IRAK1BP1: variants seen among roughly 807,000 people sequenced by gnomAD.
IRAK1BP1 encodes interleukin-1 receptor-associated kinase 1-binding protein 1.
Under a neutral mutation model 28.0 loss-of-function variants are expected in IRAK1BP1, and 24 were observed. The ratio of observed to expected loss-of-function variants is 0.86; its 90% CI spans 0.62 to 1.20. The LOEUF (loss-of-function observed/expected upper bound fraction) is 1.20. Ranked by LOEUF, IRAK1BP1 falls within the 50% of genes most tolerant of loss-of-function variation. The probability of loss-of-function intolerance (pLI) is 0.00; values close to 1 mark genes in which losing one functional copy is unlikely to be tolerated. For missense variants in IRAK1BP1, 336 were observed against 316.7 expected, an observed-to-expected ratio of 1.06 and a Z score of -0.46; for synonymous variants, 131 against 116.3, an observed-to-expected ratio of 1.13 and a Z score of -0.81.
the IRAK1BP1 span, among the ~76,000 whole-genome samples, chr6:78,976,540 T>C: frequency 8.7e-6 from 1 of 114,436 alleles, no homozygotes; most frequent in Admixed American, 9.3e-5. Context: ...CTAATTAAAC[T>C]AAAGAGCTTC....
At chr6:78,930,469 ATATT>A (rs1449371374) in intron 4 of IRAK1BP1, among the ~76,000 whole-genome samples, 1 of 152,170 alleles carries the variant, frequency 6.6e-6, no homozygotes, top group African/African-American at 2.4e-5. Context: ...TTTGCTATAT[ATATT>A]AATGAGATTT....
rs148501574 is a variant in IRAK1BP1, at chr6:78,871,424, C to A, written c.315+3533C>A. On this transcript the variant is annotated intron_variant, in intron 1 of 3. Coordinates refer to ENST00000369940, the MANE Select transcript of IRAK1BP1 (RefSeq NM_001010844.4). ...TAACACAGTGCAACCAAAAGACAGA[C>A]ACCTTTTCTCCTTTTTGCTTCACAA... 237 of 985,460 alleles carry A rather than the reference C, an allele frequency of 2.4e-4. 2 individuals are homozygous for A. In the South Asian group the frequency reaches 6.8e-3, roughly 28 times the overall value. The allele number at this position is 985,460 out of a possible 1,614,324, so 61.0% of individuals were successfully genotyped here. A position where few individuals can be genotyped will look rare whatever the true frequency, so the allele number is the denominator to read the frequency against.
Position 78,867,826 on chromosome 6 carries a change from G to A in IRAK1BP1, c.250G>A (p.Ala84Thr). The A allele has an allele frequency of 1.2e-6, 2 of 1,612,034 alleles. No individual in the cohort carries two copies. Among genetic ancestry groups the A allele is most frequent in the East Asian group, 2.2e-5 (1 of 44,822 alleles). The change falls in exon 1 of 4, where the codon GCC becomes ACC. Residue 84 changes from alanine (A) to threonine (T), a missense_variant. Transcript: ENST00000369940. ...VSSTKEAAAE[A>T]KKSVCRRLDY... ...CAGCACCAAGGAGGCGGCAGCCGAG[G>A]CCAAAAAGAGCGTTTGTCGCCGTCT...
chr6:78,920,559 T>C (rs1198067946), intron 4 of IRAK1BP1, among the ~76,000 whole-genome samples: 1 of 152,130 alleles, frequency 6.6e-6, no homozygotes, highest in Non-Finnish European at 1.5e-5. Context: ...TAATAAATGG[T>C]GCTATGATAA....
intron 2 of IRAK1BP1, among the ~76,000 whole-genome samples, chr6:78,893,037 T>C (rs1386301049): frequency 6.6e-6 from 1 of 150,900 alleles, no homozygotes; most frequent in Non-Finnish European, 1.5e-5. Flanking sequence ...ATGAGAATTA[T>C]AAACCCATGG....
the IRAK1BP1 span, chr6:78,961,879 T>C: frequency 1.6e-6 from 2 of 1,271,920 alleles, no homozygotes; most frequent in African/African-American, 1.5e-5. Context: ...GAATTCTGCT[T>C]GAATTAAGAC....
In IRAK1BP1 at chr6:78,898,333, G is replaced by T; in HGVS notation, c.782G>T (p.Ter261LeuextTer109). Reference protein sequence around the residue: ...KGKEKRKKHL* With the variant: ...KGKEKRKKHLL ...AAAGAGAAGAGAAAAAAGCACCTTT[G>T]AAATTCCAAACAAATTATATTGTAC... The change falls in exon 4 of 4, where the codon TGA (stop) becomes TTA (leucine). Residue 261 changes from the stop codon to leucine (L), a stop_lost. Transcript: ENST00000369940. 2 of 1,493,754 alleles carry T rather than the reference G, an allele frequency of 1.3e-6. No homozygotes were observed. The highest frequency in any genetic ancestry group is 1.4e-5 in the African/African-American group (1 of 69,714). 92.5% of individuals were successfully genotyped at this position (1,493,754 alleles called of 1,614,324 possible).
intron 4 of IRAK1BP1, chr6:78,938,275 AGT>A (rs1367013431): frequency 6.6e-6 from 1 of 151,742 alleles, no homozygotes; most frequent in Non-Finnish European, 1.5e-5. Flanking sequence ...ATAAATATAC[AGT>A]GTCTGTAGAA....
chr6:78,940,841 C>A (rs775492637), intron 4 of IRAK1BP1: 1 of 1,613,926 alleles, frequency 6.2e-7, no homozygotes, highest in Non-Finnish European at 8.5e-7. Context: ...AGCTGTCCTT[C>A]GACCTTGATT....
intron 4 of IRAK1BP1, chr6:78,941,106 C>T (rs1242032142): frequency 6.2e-7 from 1 of 1,613,930 alleles, no homozygotes; most frequent in African/African-American, 1.3e-5. Flanking sequence ...GGAAGTACTT[C>T]ATCTCTGATG....
the IRAK1BP1 span, among the ~76,000 whole-genome samples, chr6:78,974,869 T>C: frequency 2.6e-5 from 4 of 151,240 alleles, no homozygotes; most frequent in African/African-American, 9.7e-5. Context: ...TCTGAAATTG[T>C]GGCAATAATC....
At chr6:78,944,410 T>C (rs1337459318) in intron 4 of IRAK1BP1, among the ~76,000 whole-genome samples, 1 of 151,780 alleles carries the variant, frequency 6.6e-6, no homozygotes, top group Non-Finnish European at 1.5e-5. Context: ...TAAGAAAGAG[T>C]TGAGAACTGA....
the IRAK1BP1 span, among the ~76,000 whole-genome samples, chr6:78,978,047 A>C: frequency 2.0e-4 from 30 of 152,254 alleles, no homozygotes; most frequent in African/African-American, 6.5e-4. Flanking sequence ...TGTTGAGACC[A>C]GTTCTTACAT....
At chr6:78,879,872 T>A (rs114752643) in intron 1 of IRAK1BP1, among the ~76,000 whole-genome samples, 1 of 152,166 alleles carries the variant, frequency 6.6e-6, no homozygotes, top group African/African-American at 2.4e-5. Context: ...GGTACAGATA[T>A]AGTAGTGAGG....
chr6:78,923,887 C>G (rs138112489), intron 4 of IRAK1BP1, among the ~76,000 whole-genome samples: 1 of 152,236 alleles, frequency 6.6e-6, no homozygotes, highest in African/African-American at 2.4e-5. Context: ...AAAGAGACAA[C>G]GTACCAGAAT....
Position 78,940,875 on chromosome 6 carries a change from A to G in IRAK1BP1, c.*68-4533A>G, listed in dbSNP as rs761417412. 2.8e-5 allele frequency: 45 copies of G among 1,613,774 alleles called. No individual in the cohort carries two copies. The highest frequency in any genetic ancestry group is 3.6e-5 in the Non-Finnish European group (43 of 1,179,904). ...TTTCTAGTTCTCATGTGGGGTTCAG[A>G]GCCTTTGAGTTCTTCAAACTCTTCT... On this transcript the variant is annotated intron_variant and NMD_transcript_variant, in intron 4 of 4. Coordinates refer to the IRAK1BP1 transcript ENST00000606868.
intron 1 of IRAK1BP1, among the ~76,000 whole-genome samples, chr6:78,870,793 C>T (rs1770769281): frequency 6.6e-6 from 1 of 152,078 alleles, no homozygotes; most frequent in African/African-American, 2.4e-5. Flanking sequence ...CTCACTGCAA[C>T]CTCCGCCTCC....
intron 1 of IRAK1BP1, among the ~76,000 whole-genome samples, chr6:78,868,333 T>C (rs896230744): frequency 6.6e-6 from 1 of 152,248 alleles, no homozygotes; most frequent in African/African-American, 2.4e-5. Context: ...CTTCCGATCA[T>C]GTAAAACTTT....
chr6:78,910,831 C>G (rs745731197), intron 4 of IRAK1BP1, among the ~76,000 whole-genome samples: 1 of 152,236 alleles, frequency 6.6e-6, no homozygotes, highest in Non-Finnish European at 1.5e-5. Context: ...TCCGCGCTGT[C>G]ATGATTGCTG....
Sources: gnomAD v4.1 joint callset for allele counts (sites outside exome capture counted in the v4.1 genomes callset) on GRCh38, gnomAD v4.1.1 for gene constraint, MANE v1.5 for transcripts, NCBI Gene and HGNC (gene_info 2026-07-23, HGNC 2026-07-21) for gene names.